Variants in MARCHF1 observed in about 807,000 individuals in gnomAD.
MARCHF1 encodes membrane associated ring-CH-type finger 1, also known as E3 ubiquitin-protein ligase MARCHF1.
In MARCHF1, 40 loss-of-function variants were observed where a neutral mutation model predicts 54.2. That is an observed-to-expected ratio of 0.74 (90% CI 0.57 to 0.96). MARCHF1 has a LOEUF of 0.96. Among genes scored for constraint, MARCHF1 ranks in the 40% least tolerant of loss-of-function variants. The pLI, the probability that MARCHF1 is intolerant of heterozygous loss-of-function variation, is 0.00. For missense variants in MARCHF1, 586 were observed against 656.5 expected, an observed-to-expected ratio of 0.89 and a Z score of 1.17; for synonymous variants, 236 against 236.3, an observed-to-expected ratio of 1.00 and a Z score of 0.01.
intron 1 of MARCHF1, among the ~76,000 whole-genome samples, chr4:164,121,811 G>T (rs532360685): frequency 6.6e-6 from 1 of 152,078 alleles, no homozygotes; most frequent in East Asian, 1.9e-4. Flanking sequence ...TCAAAAACTA[G>T]AGAAGGAGAG....
chr4:163,528,365 A>C lies in MARCHF1; in HGVS notation c.*383T>G, dbSNP rs1738212397. On this transcript the variant is annotated 3_prime_UTR_variant, in exon 10 of 10. Transcript: ENST00000514618. Reference sequence around the variant, plus strand: ...GACAGTTAACATTACAAGGCCCTAGAAGTAATACACATCGCAATTCAAGTC... The same window carrying C: ...GACAGTTAACATTACAAGGCCCTAGCAGTAATACACATCGCAATTCAAGTC... The C allele has an allele frequency of 5.5e-6, 1 of 181,768 alleles. No individual in the cohort carries two copies. The highest frequency in any genetic ancestry group is 5.6e-5 in the Admixed American group (1 of 17,792). The allele number at this position is 181,768 out of a possible 1,614,324, so 11.3% of individuals were successfully genotyped here.
intron 1 of MARCHF1, among the ~76,000 whole-genome samples, chr4:164,278,491 C>T (rs866739303): frequency 2.0e-5 from 3 of 152,172 alleles, no homozygotes; most frequent in Non-Finnish European, 4.4e-5. Flanking sequence ...ACCCATTAAT[C>T]AAATACTAAA....
intron 5 of MARCHF1, among the ~76,000 whole-genome samples, chr4:163,635,543 G>A (rs1290613615): frequency 6.9e-6 from 1 of 144,740 alleles, no homozygotes; most frequent in Non-Finnish European, 1.5e-5. Flanking sequence ...GACTAAACCA[G>A]GAAGAAGTTG....
chr4:163,551,380 C>CT, intron 8 of MARCHF1, among the ~76,000 whole-genome samples: 1 of 152,272 alleles, frequency 6.6e-6, no homozygotes, highest in East Asian at 1.9e-4. Context: ...CTTAATAAAT[C>CT]TTTAAGTTCA....
chr4:163,720,595 T>C (rs909515948), intron 4 of MARCHF1, among the ~76,000 whole-genome samples: 5 of 152,212 alleles, frequency 3.3e-5, no homozygotes, highest in East Asian at 3.9e-4. Flanking sequence ...GAGGATGGCA[T>C]TGAATCTGTA....
chr4:164,149,584 CTT>C (rs1729875842), intron 1 of MARCHF1, among the ~76,000 whole-genome samples: 1 of 152,094 alleles, frequency 6.6e-6, no homozygotes, highest in Non-Finnish European at 1.5e-5. Context: ...TAAACGTTGT[CTT>C]TGTTTTCCAA....
At chr4:164,188,718 T>A in intron 1 of MARCHF1, 1 of 1,050,412 alleles carries the variant, frequency 9.5e-7, no homozygotes, top group Non-Finnish European at 1.5e-6. Flanking sequence ...GACATCAAGT[T>A]CTTGCGGTTC....
chr4:163,892,327 G>A lies in MARCHF1; in HGVS notation c.-38-38158C>T, dbSNP rs149787296. 6.6e-5 allele frequency among the ~76,000 whole-genome samples: 10 copies of A among 152,100 alleles called. No homozygotes were observed. The East Asian group carries it at 1.7e-3, about 26-fold the overall frequency. ...ATTGTCTAAAACTTTAGGCAGACCTGTAATATTCAGAACATCTAAGAGTGG... is the reference window on the plus strand; with the variant it reads ...ATTGTCTAAAACTTTAGGCAGACCTATAATATTCAGAACATCTAAGAGTGG... On this transcript the variant is annotated intron_variant, in intron 3 of 9. Transcript: ENST00000514618.
intron 2 of MARCHF1, among the ~76,000 whole-genome samples, chr4:164,088,356 T>A (rs983473455): frequency 2.0e-5 from 3 of 152,238 alleles, no homozygotes; most frequent in African/African-American, 7.2e-5. Flanking sequence ...TTTGATGTTT[T>A]CCTTAGTCAA....
intron 4 of MARCHF1, among the ~76,000 whole-genome samples, chr4:163,787,695 T>G (rs1379138009): frequency 6.6e-6 from 1 of 151,844 alleles, no homozygotes; most frequent in Non-Finnish European, 1.5e-5. Flanking sequence ...AACAGAAAAT[T>G]ACTATATGAT....
chr4:163,651,517 G>C (rs924161940), intron 5 of MARCHF1, among the ~76,000 whole-genome samples: 15 of 131,478 alleles, frequency 1.1e-4, no homozygotes, highest in African/African-American at 4.7e-4. Context: ...TGTCTTTCAA[G>C]TACCATACTT....
chr4:163,746,481 T>A (rs561570718), intron 4 of MARCHF1, among the ~76,000 whole-genome samples: 1 of 151,090 alleles, frequency 6.6e-6, no homozygotes, highest in Admixed American at 6.6e-5. Flanking sequence ...ATGTGCAGGG[T>A]TTTTTTTTGT....
intron 4 of MARCHF1, among the ~76,000 whole-genome samples, chr4:163,708,299 C>T (rs1326737604): frequency 6.6e-6 from 1 of 152,022 alleles, no homozygotes; most frequent in Non-Finnish European, 1.5e-5. Flanking sequence ...AGGATGGCTG[C>T]TTCCTACAAT....
chr4:163,890,214 G>A (rs1217965785), intron 3 of MARCHF1, among the ~76,000 whole-genome samples: 6 of 151,782 alleles, frequency 4.0e-5, no homozygotes, highest in Non-Finnish European at 5.9e-5. Flanking sequence ...GATTACAGGC[G>A]TGAGCCACCA....
At chr4:164,137,287 A>ACAGACAGC (rs1324183058) in intron 1 of MARCHF1, among the ~76,000 whole-genome samples, 2 of 152,168 alleles carry the variant, frequency 1.3e-5, no homozygotes, top group Admixed American at 6.5e-5. Flanking sequence ...CTTCTCCTTA[A>ACAGACAGC]CAGACAGCCT....
chr4:164,041,179 G>C (rs974412996), intron 2 of MARCHF1, among the ~76,000 whole-genome samples: 1 of 151,986 alleles, frequency 6.6e-6, no homozygotes, highest in Non-Finnish European at 1.5e-5. Flanking sequence ...CACTTAAGCA[G>C]ACCGAGAATT....
At chr4:164,301,802 G>C (rs1388610496) in intron 1 of MARCHF1, among the ~76,000 whole-genome samples, 1 of 152,172 alleles carries the variant, frequency 6.6e-6, no homozygotes, top group Non-Finnish European at 1.5e-5. Flanking sequence ...ATTCTAAAAG[G>C]ATCGAATGCT....
intron 3 of MARCHF1, among the ~76,000 whole-genome samples, chr4:163,857,969 A>G (rs1272542546): frequency 6.6e-6 from 1 of 152,134 alleles, no homozygotes; most frequent in South Asian, 2.1e-4. Context: ...TTAGCATCAG[A>G]TGCAGGGGAT....
intron 4 of MARCHF1, among the ~76,000 whole-genome samples, chr4:163,748,233 C>T (rs932824847): frequency 6.6e-6 from 1 of 152,148 alleles, no homozygotes; most frequent in South Asian, 2.1e-4. Context: ...AGAAGATTTG[C>T]GTCCTTTCCC....
Sources: gnomAD v4.1 joint callset for allele counts (sites outside exome capture counted in the v4.1 genomes callset) on GRCh38, gnomAD v4.1.1 for gene constraint, MANE v1.5 for transcripts, NCBI Gene and HGNC (gene_info 2026-07-23, HGNC 2026-07-21) for gene names.